SYK: variants seen among roughly 807,000 people sequenced by gnomAD.
SYK encodes the protein spleen associated tyrosine kinase.
Under a neutral mutation model 77.8 loss-of-function variants are expected in SYK, and 16 were observed. That is an observed-to-expected ratio of 0.21 (90% CI 0.14 to 0.31). The LOEUF (loss-of-function observed/expected upper bound fraction) is 0.31, where lower values mean the gene tolerates loss of function less well. SYK is among the 10% of genes least tolerant of loss of function. The pLI is 1.00. For synonymous variants in SYK, 312 were observed against 308.7 expected (o/e 1.01, Z -0.11); for missense variants, 529 against 814.4 (o/e 0.65, Z 4.26).
chr9:90,894,568 T>A (rs552061781), intron 13 of SYK, among the ~76,000 whole-genome samples: 18 of 152,212 alleles, frequency 1.2e-4, no homozygotes, highest in Non-Finnish European at 2.4e-4. Flanking sequence ...TGTGTCGACA[T>A]TGAATCATAT....
At chr9:90,846,325 C>G (rs565207356) in intron 3 of SYK, among the ~76,000 whole-genome samples, 71 of 152,350 alleles carry the variant, frequency 4.7e-4, no homozygotes, top group African/African-American at 1.7e-3. Context: ...CTGGTCACCT[C>G]TCAGTGTCCC....
intron 11 of SYK, among the ~76,000 whole-genome samples, chr9:90,885,044 A>T (rs1828509536): frequency 6.6e-6 from 1 of 150,692 alleles, no homozygotes; most frequent in African/African-American, 2.4e-5. Flanking sequence ...CTACAAAAGC[A>T]ATTTCAAAAA....
At chr9:90,891,128 C>G (rs758425837) in intron 13 of SYK, among the ~76,000 whole-genome samples, 2 of 147,042 alleles carry the variant, frequency 1.4e-5, no homozygotes, top group African/African-American at 2.5e-5. Flanking sequence ...CCTTGGCCGA[C>G]GCCATGTTGC....
At position 90,862,517 on chromosome 9, in the gene SYK, G is replaced by GGC. The variant is rs1323080900; in HGVS notation, c.717+173_717+174insGC. On this transcript the variant is annotated intron_variant, in intron 4 of 13. Transcript: ENST00000375754. ...AAACACACACCTGGACCACACCTGG[G>GGC]CTCCTGCCCCACCTGCCCATCAGAC... Among the ~76,000 whole-genome samples the GGC allele has an allele frequency of 3.3e-5, 5 of 152,146 alleles. No homozygotes were observed. The South Asian group carries it at 6.2e-4, about 19-fold the overall frequency.
chr9:90,836,027 G>C (rs868642867), intron 1 of SYK, among the ~76,000 whole-genome samples: 1 of 152,144 alleles, frequency 6.6e-6, no homozygotes, highest in Non-Finnish European at 1.5e-5. Flanking sequence ...TGTGGCTCAC[G>C]CCTCTAATCC....
intron 1 of SYK, among the ~76,000 whole-genome samples, chr9:90,837,142 G>C (rs557152470): frequency 6.6e-6 from 1 of 152,106 alleles, no homozygotes; most frequent in South Asian, 2.1e-4. Context: ...AGTTACACAT[G>C]AATTTTTACT....
intron 3 of SYK, among the ~76,000 whole-genome samples, chr9:90,857,344 T>C (rs1336855810): frequency 6.6e-6 from 1 of 152,108 alleles, no homozygotes; most frequent in East Asian, 1.9e-4. Context: ...TCAAAGAGAG[T>C]TGTGGGCTGA....
intron 1 of SYK, among the ~76,000 whole-genome samples, chr9:90,803,541 T>C (rs1824691828): frequency 6.6e-6 from 1 of 152,182 alleles, no homozygotes; most frequent in Non-Finnish European, 1.5e-5. Context: ...AACGTTATTT[T>C]ATTGCTAGAT....
rs144662675 is a variant in SYK at position 90,837,894 on chromosome 9, A to G, written c.-41-5964A>G. Reference sequence around the variant, plus strand: ...TGGAGCTCAGCTCCTGCACAAGCTCATGGCTTCCCTGCATCACTGTGAGTG... The same window carrying G: ...TGGAGCTCAGCTCCTGCACAAGCTCGTGGCTTCCCTGCATCACTGTGAGTG... On this transcript the variant is annotated intron_variant, in intron 1 of 13. Coordinates refer to ENST00000375754, the MANE Select transcript of SYK (RefSeq NM_003177.7). Among the ~76,000 whole-genome samples, 9 of 152,342 alleles carry G rather than the reference A, an allele frequency of 5.9e-5. 1 individual carries two copies. The highest frequency in any genetic ancestry group is 1.2e-4 in the Non-Finnish European group (8 of 68,022).
intron 7 of SYK, among the ~76,000 whole-genome samples, chr9:90,869,521 G>A (rs974776220): frequency 2.0e-5 from 3 of 152,110 alleles, no homozygotes; most frequent in Admixed American, 6.6e-5. Context: ...AACAAATGGG[G>A]AACTTTCCAT....
intron 1 of SYK, among the ~76,000 whole-genome samples, chr9:90,837,625 A>G (rs1826133224): frequency 6.6e-6 from 1 of 152,052 alleles, no homozygotes; most frequent in Non-Finnish European, 1.5e-5. Context: ...TGTGATGTGG[A>G]TGGAGAGGTT....
At chr9:90,822,254 C>G (rs532783981) in intron 1 of SYK, among the ~76,000 whole-genome samples, 1 of 152,314 alleles carries the variant, frequency 6.6e-6, no homozygotes, top group African/African-American at 2.4e-5. Flanking sequence ...TTTTATAACA[C>G]AGAGAAAGTC....
chr9:90,844,216 C>T lies in SYK; in HGVS notation c.318C>T (p.Pro106=). 6.2e-7 allele frequency: 1 copy of T among 1,614,224 alleles called. No homozygotes were observed. The highest frequency in any genetic ancestry group is 8.5e-7 in the Non-Finnish European group (1 of 1,180,034). ...GCCTGGTCTGCCTCCTCAAGAAGCCCTTCAACCGGCCCCAAGGGGTGCAGC... is the reference window on the plus strand; with the variant it reads ...GCCTGGTCTGCCTCCTCAAGAAGCCTTTCAACCGGCCCCAAGGGGTGCAGC... The part of the protein sequence containing the change: ...SDGLVCLLKK[P]FNRPQGVQPK... The change falls in exon 2 of 14, where the codon CCC becomes CCT. Residue 106 remains proline, a synonymous_variant. Coordinates refer to ENST00000375754, the MANE Select transcript of SYK (RefSeq NM_003177.7).
rs756701310 is a variant in SYK at position 90,886,067 on chromosome 9, T to G, written c.1582-1682T>G. Among the ~76,000 whole-genome samples the G allele has an allele frequency of 5.3e-4, 81 of 152,114 alleles. 1 individual carries two copies. The highest frequency in any genetic ancestry group is 2.5e-4 in the Non-Finnish European group (17 of 68,022). ...AAACGTGGAAGTAAAAGGACAATAT[T>G]TACCATCATAAAAACACACAAAAGT... On this transcript the variant is annotated intron_variant, in intron 11 of 13. Coordinates refer to ENST00000375754, the MANE Select transcript of SYK (RefSeq NM_003177.7).
At chr9:90,859,382 T>C (rs1827163145) in intron 3 of SYK, among the ~76,000 whole-genome samples, 1 of 152,240 alleles carries the variant, frequency 6.6e-6, no homozygotes, top group African/African-American at 2.4e-5. Context: ...TTGGGGACTT[T>C]GTGTATATGG....
Position 90,896,664 on chromosome 9 carries a change from G to A in SYK, c.*1064G>A, listed in dbSNP as rs201475559. The A allele has an allele frequency of 8.6e-6, 2 of 232,368 alleles. No homozygotes were observed. The highest frequency in any genetic ancestry group is 1.7e-5 in the Non-Finnish European group (2 of 117,560). 14.4% of individuals were successfully genotyped at this position (232,368 alleles called of 1,614,324 possible). A position where few individuals can be genotyped will look rare whatever the true frequency, so the allele number is the denominator to read the frequency against. On this transcript the variant is annotated 3_prime_UTR_variant, in exon 14 of 14. Coordinates refer to ENST00000375754, the MANE Select transcript of SYK (RefSeq NM_003177.7). The stretch of plus-strand genomic sequence containing the variant: ...GAATTTGAGTTGAAGATACAAGATC[G>A]GAGAATGATTTTCTGGTCTTAACTA...
At chr9:90,816,895 GTATTCCAT>G (rs1825310902) in intron 1 of SYK, among the ~76,000 whole-genome samples, 1 of 152,164 alleles carries the variant, frequency 6.6e-6, no homozygotes, top group Non-Finnish European at 1.5e-5. Context: ...TGGCTGAATA[GTATTCCAT>G]TGTGTGTGTG....
intron 1 of SYK, among the ~76,000 whole-genome samples, chr9:90,839,369 G>T (rs1280438073): frequency 6.6e-6 from 1 of 152,116 alleles, no homozygotes; most frequent in African/African-American, 2.4e-5. Flanking sequence ...AGCCACATCG[G>T]TGCTGACACT....
In SYK at chr9:90,884,248, CACAT is replaced by C. The variant is rs1349993873; in HGVS notation, c.1582-3497_1582-3494del. On this transcript the variant is annotated intron_variant, in intron 11 of 13. Transcript: ENST00000375754. ...ACACATACACATACGTGTATATATA[CACAT>C]ACACATACACATACGTGTATATATA... Among the ~76,000 whole-genome samples, 120 of 59,006 alleles carry C rather than the reference CACAT, an allele frequency of 2.0e-3. 3 individuals carry two copies. Among genetic ancestry groups the C allele is most frequent in the East Asian group, 0.018 (44 of 2,406 alleles). The allele number at this position is 59,006 out of a possible 152,430, so 38.7% of individuals were successfully genotyped here.
Sources: allele counts gnomAD v4.1 joint callset (sites outside exome capture counted in the v4.1 genomes callset), GRCh38; gene constraint gnomAD v4.1.1; transcripts MANE v1.5; gene names NCBI Gene and HGNC (gene_info 2026-07-23, HGNC 2026-07-21).